MGST1: variants seen among roughly 807,000 people sequenced by gnomAD.
The protein encoded by MGST1 is microsomal glutathione S-transferase 1.
In MGST1, 5 loss-of-function variants were observed where a neutral mutation model predicts 8.9. The ratio of observed to expected loss-of-function variants is 0.56; its 90% CI spans 0.29 to 1.19. MGST1 has a LOEUF of 1.19. MGST1 is among the 50% of genes most tolerant of loss of function. MGST1 has a pLI of 0.08. For missense variants in MGST1, 182 were observed against 187.4 expected (o/e 0.97, Z 0.17); for synonymous variants, 54 against 67.8 (o/e 0.80, Z 1.00).
intron 1 of MGST1, among the ~76,000 whole-genome samples, chr12:16,391,919 T>C (rs746118187): frequency 8.5e-5 from 13 of 152,198 alleles, no homozygotes; most frequent in Non-Finnish European, 1.2e-4. Flanking sequence ...TTGATTTTTG[T>C]ATGTGGCATG....
intron 4 of MGST1, among the ~76,000 whole-genome samples, chr12:16,453,588 T>C (rs1468279977): frequency 6.6e-6 from 1 of 151,960 alleles, no homozygotes; most frequent in East Asian, 1.9e-4. Flanking sequence ...TATAAAATTG[T>C]TAGCTTAACA....
chr12:16,473,234 C>T (rs1018282623), intron 4 of MGST1, among the ~76,000 whole-genome samples: 17 of 152,146 alleles, frequency 1.1e-4, no homozygotes, highest in Admixed American at 9.2e-4. Flanking sequence ...GGAGACATTT[C>T]TATTGTCAAC....
chr12:16,375,142 A>G (rs1372940066), intron 3 of MGST1, among the ~76,000 whole-genome samples: 1 of 152,148 alleles, frequency 6.6e-6, no homozygotes, highest in East Asian at 1.9e-4. Context: ...TGGCCTCCCA[A>G]AGTGCCGGGA....
intron 4 of MGST1, among the ~76,000 whole-genome samples, chr12:16,521,358 C>T (rs1179713416): frequency 6.6e-6 from 1 of 151,938 alleles, no homozygotes; most frequent in Non-Finnish European, 1.5e-5. Context: ...CAAAAATGAC[C>T]GTTTATTGAA....
rs1481700358 is a variant in MGST1, at chr12:16,389,446, T to G, written n.778+5842T>G. 6.6e-6 allele frequency among the ~76,000 whole-genome samples: 1 copy of G among 152,226 alleles called. No individual in the cohort carries two copies. On this transcript the variant is annotated intron_variant and non_coding_transcript_variant, in intron 1 of 1. Coordinates refer to the MGST1 transcript ENST00000359720. This position sits in a 1 kb window ranked among gnomAD's most constrained non-coding sequence, Gnocchi z 4.6. ...AGGTCTCTTTTTGTCTTTTTTGTGA[T>G]TCCATGGGTCGGGTCAAATTGACGG...
chr12:16,442,821 T>A (rs1002138794), downstream of MGST1, among the ~76,000 whole-genome samples: 2 of 151,814 alleles, frequency 1.3e-5, no homozygotes, highest in African/African-American at 4.8e-5. The surrounding 1 kb of genome is among the most constrained non-coding windows in gnomAD (Gnocchi z 4.5). Context: ...CTTGTTTTTA[T>A]CAGTTATTGG....
In MGST1 at chr12:16,517,828, T is replaced by A. The variant is rs1392935079; in HGVS notation, n.483-71700T>A. 1.3e-5 allele frequency among the ~76,000 whole-genome samples: 2 copies of A among 152,200 alleles called. No homozygotes were observed. The highest frequency in any genetic ancestry group is 2.9e-5 in the Non-Finnish European group (2 of 68,034). ...ATTCTCATAATTTCTTATTGGAGAT[T>A]AGTATATGGACATTCTAGTTATGTT... is the stretch of plus-strand genomic sequence containing the variant. On this transcript the variant is annotated intron_variant and non_coding_transcript_variant, in intron 4 of 4. Transcript: ENST00000538857. This position sits in a 1 kb window ranked among gnomAD's most constrained non-coding sequence, Gnocchi z 4.2.
At chr12:16,480,510 A>C (rs1352788200) in intron 4 of MGST1, among the ~76,000 whole-genome samples, 1 of 152,196 alleles carries the variant, frequency 6.6e-6, no homozygotes, top group Non-Finnish European at 1.5e-5. Context: ...TATTTGCAAA[A>C]CACATATCTG....
chr12:16,364,826 C>A (rs1208068784), downstream of MGST1, among the ~76,000 whole-genome samples: 1 of 152,036 alleles, frequency 6.6e-6, no homozygotes, highest in Non-Finnish European at 1.5e-5. The surrounding 1 kb of genome is among the most constrained non-coding windows in gnomAD (Gnocchi z 5.7). Flanking sequence ...CTTCTGTTAT[C>A]ATTTCTATTT....
chr12:16,401,923 C>A lies in MGST1; in HGVS notation n.778+18319C>A, dbSNP rs562405917. 3 of 1,608,354 alleles carry A rather than the reference C, an allele frequency of 1.9e-6. No homozygotes were observed. The highest frequency in any genetic ancestry group is 2.6e-6 in the Non-Finnish European group (3 of 1,174,796). ...CTTACAGCGACTGTATATGCCACAA[C>A]TGCACTGATATCTATTTTGTCAAAG... is the stretch of plus-strand genomic sequence containing the variant. On this transcript the variant is annotated intron_variant and non_coding_transcript_variant, in intron 1 of 1. Transcript: ENST00000359720. The surrounding 1 kb of genome is among the most constrained non-coding windows in gnomAD (Gnocchi z 4.3).
At position 16,372,001 on chromosome 12, in the gene MGST1, A is replaced by C. The variant is rs556210487; in HGVS notation, c.222-4121A>C. The stretch of plus-strand genomic sequence containing the variant: ...TCCACGTGCAGAAAAAGGAAACTAG[A>C]CCTCTATCTCTTGCCATATACAAAA... On this transcript the variant is annotated intron_variant, in intron 3 of 3. Transcript: ENST00000535309. 1.2e-4 allele frequency among the ~76,000 whole-genome samples: 18 copies of C among 152,072 alleles called. No individual in the cohort carries two copies. In the East Asian group the frequency reaches 1.7e-3, roughly 15 times the overall value.
intron 4 of MGST1, among the ~76,000 whole-genome samples, chr12:16,583,324 A>G (rs555299611): frequency 6.6e-6 from 1 of 152,264 alleles, no homozygotes; most frequent in South Asian, 2.1e-4. Flanking sequence ...TTTTAAAAAA[A>G]TTAGACAATA....
At chr12:16,374,627 T>C (rs912432098) in intron 3 of MGST1, among the ~76,000 whole-genome samples, 5 of 152,286 alleles carry the variant, frequency 3.3e-5, no homozygotes, top group Middle Eastern at 6.8e-3. Context: ...GATAAATGTA[T>C]GAAAGTACTT....
chr12:16,416,594 C>T (rs1327807698), intron 1 of MGST1, among the ~76,000 whole-genome samples: 1 of 152,040 alleles, frequency 6.6e-6, no homozygotes, highest in Non-Finnish European at 1.5e-5. Flanking sequence ...TATAGGAGCA[C>T]CAACCCCATC....
chr12:16,404,903 T>C (rs998342646), intron 1 of MGST1, among the ~76,000 whole-genome samples: 2 of 148,702 alleles, frequency 1.3e-5, no homozygotes, highest in African/African-American at 5.0e-5. Context: ...GGTGGCAAAC[T>C]CTCTCGGTTT....
chr12:16,430,417 A>G (rs1940927400), intron 1 of MGST1, among the ~76,000 whole-genome samples: 1 of 152,214 alleles, frequency 6.6e-6, no homozygotes, highest in African/African-American at 2.4e-5. Context: ...CAGAGGAATC[A>G]CTAACTATTG....
At chr12:16,400,752 T>A (rs1011466115) in intron 1 of MGST1, 77 of 1,271,296 alleles carry the variant, frequency 6.1e-5, no homozygotes, top group Non-Finnish European at 8.3e-5. Context: ...ACGGACATAC[T>A]TATATTCTTG....
chr12:16,481,726 T>C (rs1439835338), intron 4 of MGST1, among the ~76,000 whole-genome samples: 1 of 151,788 alleles, frequency 6.6e-6, no homozygotes, highest in Non-Finnish European at 1.5e-5. Flanking sequence ...ATTGAAAATA[T>C]AAAATAACGG....
intron 4 of MGST1, among the ~76,000 whole-genome samples, chr12:16,502,559 T>TA (rs1441594360): frequency 6.6e-6 from 1 of 152,106 alleles, no homozygotes; most frequent in East Asian, 1.9e-4. Context: ...CTCATGCAAC[T>TA]AAAAACAGTG....
Sources: gnomAD v4.1 joint callset for allele counts (sites outside exome capture counted in the v4.1 genomes callset) on GRCh38, gnomAD v4.1.1 for gene constraint, Gnocchi (gnomAD v3.1) non-coding constraint, MANE v1.5 for transcripts, NCBI Gene and HGNC (gene_info 2026-07-23, HGNC 2026-07-21) for gene names.